STXBP3: variants seen among roughly 807,000 people sequenced by gnomAD.
The protein encoded by STXBP3 is syntaxin-binding protein 3.
Under a neutral mutation model 85.7 loss-of-function variants are expected in STXBP3, and 41 were observed. The ratio of observed to expected loss-of-function variants is 0.48; its 90% confidence interval spans 0.37 to 0.62. The LOEUF (loss-of-function observed/expected upper bound fraction) is 0.62. Among genes scored for constraint, STXBP3 ranks in the 20% least tolerant of loss-of-function variants. STXBP3 has a pLI of 0.00. For missense variants in STXBP3, 563 were observed against 703.1 expected, an observed-to-expected ratio of 0.80 and a Z score of 2.25; for synonymous variants, 229 against 231.7, an observed-to-expected ratio of 0.99 and a Z score of 0.10.
intron 17 of STXBP3, among the ~76,000 whole-genome samples, chr1:108,804,152 T>C (rs1663283299): frequency 6.8e-6 from 1 of 147,046 alleles, no homozygotes; most frequent in South Asian, 2.2e-4. Flanking sequence ...GTAGTCTTGG[T>C]TTTGTTAGAA....
rs1557818467 is a variant in STXBP3 at position 108,808,928 on chromosome 1, T to C, written c.*51T>C. The C allele has an allele frequency of 1.6e-6, 2 of 1,260,378 alleles. No homozygotes were observed. The highest frequency in any genetic ancestry group is 2.2e-6 in the Non-Finnish European group (2 of 891,230). 78.1% of individuals were successfully genotyped at this position (1,260,378 alleles called of 1,614,324 possible). On this transcript the variant is annotated 3_prime_UTR_variant, in exon 19 of 19. Coordinates refer to ENST00000370008, the MANE Select transcript of STXBP3 (RefSeq NM_007269.4). ...TTCTTACTAATATGTTGAACTAAAATAGAAAGAAAATGTTGCTGTCATGTA... is the reference window on the plus strand; with the variant it reads ...TTCTTACTAATATGTTGAACTAAAACAGAAAGAAAATGTTGCTGTCATGTA...
intron 6 of STXBP3, among the ~76,000 whole-genome samples, chr1:108,770,962 T>C (rs1662379514): frequency 6.6e-6 from 1 of 152,150 alleles, no homozygotes; most frequent in Admixed American, 6.5e-5. Context: ...ATGAAGAGTA[T>C]AAGCTAAAGA....
At chr1:108,798,082 CG>C in intron 15 of STXBP3, 62 bp from the exon 16 acceptor site, 1 of 1,279,688 alleles carries the variant, frequency 7.8e-7, no homozygotes, top group Non-Finnish European at 1.1e-6. Flanking sequence ...CGTTAGGAAA[CG>C]TAAGAGTATT....
intron 11 of STXBP3, among the ~76,000 whole-genome samples, chr1:108,790,037 C>T (rs1281051373): frequency 6.7e-6 from 1 of 148,840 alleles, no homozygotes; most frequent in Non-Finnish European, 1.5e-5. Flanking sequence ...CATATATTAT[C>T]ATAAGTGCCC....
intron 6 of STXBP3, among the ~76,000 whole-genome samples, chr1:108,762,683 G>C (rs1662165649): frequency 6.6e-6 from 1 of 151,854 alleles, no homozygotes; most frequent in Admixed American, 6.6e-5. Context: ...CCTCATTTTT[G>C]CTGAAGAACT....
intron 1 of STXBP3, among the ~76,000 whole-genome samples, chr1:108,751,758 C>T (rs187726942): frequency 1.1e-3 from 151 of 133,164 alleles, no homozygotes; most frequent in African/African-American, 4.0e-3. Context: ...TTGTAAGGAA[C>T]ATATTTATTG....
rs748300407 is a variant in STXBP3 at position 108,772,845 on chromosome 1, T to G, written c.593+26T>G. On this transcript the variant is annotated intron_variant, in intron 7 of 18. Transcript: ENST00000370008. ...GTAAGACACTGAGCATCTGCACATG[T>G]TATGCTTCCTATTTACCATTCATTA... 8.4e-6 allele frequency: 13 copies of G among 1,543,398 alleles called. No homozygotes were observed. In the South Asian group the frequency reaches 1.5e-4, roughly 17 times the overall value.
In STXBP3 at chr1:108,746,730, T is replaced by C; in HGVS notation, c.-8T>C. On this transcript the variant is annotated 5_prime_UTR_variant, in exon 1 of 19. Transcript: ENST00000370008. ...AGGTGGTGGCTGCTGCTCCGCAGTG[T>C]CGGGAAGATGGCGCCGCCGGTGGCA... 1 of 1,549,206 alleles carries C rather than the reference T, an allele frequency of 6.5e-7. No homozygotes were observed. Among genetic ancestry groups the C allele is most frequent in the East Asian group, 2.5e-5 (1 of 40,646 alleles).
chr1:108,780,193 A>G (rs1440400681), intron 9 of STXBP3: 2 of 152,126 alleles, frequency 1.3e-5, no homozygotes, highest in African/African-American at 4.8e-5. Context: ...TGTGATAGTT[A>G]TGATACTGTT....
At position 108,746,714 on chromosome 1, in the gene STXBP3, C is replaced by G. The variant is rs370541430; in HGVS notation, c.-24C>G. Reference sequence around the variant, plus strand: ...GTAGGTTGGGAGTGGAAGGTGGTGGCTGCTGCTCCGCAGTGTCGGGAAGAT... The same window carrying G: ...GTAGGTTGGGAGTGGAAGGTGGTGGGTGCTGCTCCGCAGTGTCGGGAAGAT... On this transcript the variant is annotated 5_prime_UTR_variant, in exon 1 of 19. Transcript: ENST00000370008. 7 of 1,547,894 alleles carry G rather than the reference C, an allele frequency of 4.5e-6. No homozygotes were observed. In the East Asian group the frequency reaches 1.7e-4, roughly 38 times the overall value.
At chr1:108,772,610 AT>A (rs1259124374) in intron 6 of STXBP3, 54 bp from the exon 7 acceptor site, 34 of 980,504 alleles carry the variant, frequency 3.5e-5, no homozygotes, top group East Asian at 2.8e-4. Flanking sequence ...ATAAATATAT[AT>A]TTTTTTTAAA....
rs74409245 is a variant in STXBP3, at chr1:108,751,391, G to A, written c.50-866G>A. ...ATACCCTCTGATAGAAGAGCCGTCA[G>A]TTTTTAACATGACTTGTTACCAAAA... On this transcript the variant is annotated intron_variant, in intron 1 of 18. Coordinates refer to ENST00000370008, the MANE Select transcript of STXBP3 (RefSeq NM_007269.4). Among the ~76,000 whole-genome samples, 426 of 152,234 alleles carry A rather than the reference G, an allele frequency of 2.8e-3. 1 individual carries two copies. The highest frequency in any genetic ancestry group is 9.8e-3 in the African/African-American group (406 of 41,550).
chr1:108,752,273 G>A lies in STXBP3; in HGVS notation c.66G>A (p.Val22=). The A allele has an allele frequency of 6.2e-7, 1 of 1,611,440 alleles. No homozygotes were observed. Among genetic ancestry groups the A allele is most frequent in the South Asian group, 1.1e-5 (1 of 90,564 alleles). The change falls in exon 2 of 19, where the codon GTG becomes GTA. Residue 22 remains valine (V), a synonymous_variant. Transcript: ENST00000370008. The part of the protein sequence containing the change: ...SVVWQKIKAT[V]FDDCKKEGEW... ...TTTAAACAGAGATAAAAGCAACAGTGTTTGATGACTGCAAGAAAGAAGGCG... is the reference window on the plus strand; with the variant it reads ...TTTAAACAGAGATAAAAGCAACAGTATTTGATGACTGCAAGAAAGAAGGCG...
intron 17 of STXBP3, among the ~76,000 whole-genome samples, chr1:108,803,464 C>A (rs766320266): frequency 6.6e-6 from 1 of 152,074 alleles, no homozygotes; most frequent in African/African-American, 2.4e-5. Context: ...TCCTTTGATG[C>A]GGGTCTGTTG....
At chr1:108,805,473 A>G (rs957285295) in intron 17 of STXBP3, among the ~76,000 whole-genome samples, 4 of 132,436 alleles carry the variant, frequency 3.0e-5, no homozygotes, top group Non-Finnish European at 4.6e-5. Flanking sequence ...CACCCAGGCT[A>G]GAGTCCAGTG....
intron 8 of STXBP3, among the ~76,000 whole-genome samples, chr1:108,776,825 T>C (rs879864612): frequency 6.6e-6 from 1 of 152,192 alleles, no homozygotes; most frequent in Non-Finnish European, 1.5e-5. Context: ...TGCTTGCCAA[T>C]GTGTAAACAT....
At chr1:108,769,654 G>T (rs1210947545) in intron 6 of STXBP3, among the ~76,000 whole-genome samples, 1 of 152,134 alleles carries the variant, frequency 6.6e-6, no homozygotes, top group South Asian at 2.1e-4. Context: ...TTTAATGATG[G>T]TGATGGAAAG....
At position 108,752,308 on chromosome 1, in the gene STXBP3, TAG is replaced by T; in HGVS notation, c.99+5_99+6del. 1.2e-6 allele frequency: 2 copies of T among 1,611,892 alleles called. No individual in the cohort carries two copies. The highest frequency in any genetic ancestry group is 1.7e-6 in the Non-Finnish European group (2 of 1,178,744). ...TGCAAGAAAGAAGGCGAATGGAAGG[TAG>T]AGTTTGCATACCTTGCTCTTATAAA... On this transcript the variant is annotated splice_donor_region_variant and intron_variant, in intron 2 of 18. Coordinates refer to ENST00000370008, the MANE Select transcript of STXBP3 (RefSeq NM_007269.4).
intron 6 of STXBP3, among the ~76,000 whole-genome samples, chr1:108,765,168 G>T (rs537741200): frequency 2.0e-5 from 3 of 152,104 alleles, no homozygotes; most frequent in Admixed American, 6.5e-5. Context: ...CAGCTTTGTC[G>T]AATATCAGAT....
Sources: gnomAD v4.1 joint callset for allele counts (sites outside exome capture counted in the v4.1 genomes callset) on GRCh38, gnomAD v4.1.1 for gene constraint, MANE v1.5 for transcripts, NCBI Gene and HGNC (gene_info 2026-07-23, HGNC 2026-07-21) for gene names.